Variants in CRYL1 observed in about 807,000 individuals in gnomAD.
CRYL1 encodes the protein crystallin lambda 1, also known as lambda-crystallin homolog.
Under a neutral mutation model 36.6 loss-of-function variants are expected in CRYL1, and 29 were observed. The observed-to-expected ratio is 0.79, with a 90% CI of 0.59 to 1.08. The LOEUF (loss-of-function observed/expected upper bound fraction) is 1.08. CRYL1 is among the 50% of genes least tolerant of loss of function. The probability of loss-of-function intolerance (pLI) is 0.00; values close to 1 mark genes in which losing one functional copy is unlikely to be tolerated. For missense variants in CRYL1, 411 were observed against 407.9 expected (o/e 1.01, Z -0.06); for synonymous variants, 152 against 151.5 (o/e 1.00, Z -0.02).
intron 2 of CRYL1, among the ~76,000 whole-genome samples, chr13:20,491,024 C>T (rs1003200298): frequency 6.6e-6 from 1 of 152,148 alleles, no homozygotes; most frequent in African/African-American, 2.4e-5. Flanking sequence ...CCCACCTCAG[C>T]CTCCCAAGTA....
Position 20,404,116 on chromosome 13 carries a change from C to T in CRYL1, c.*13G>A, listed in dbSNP as rs1279717605. 2 of 1,584,178 alleles carry T rather than the reference C, an allele frequency of 1.3e-6. No individual in the cohort carries two copies. The highest frequency in any genetic ancestry group is 3.3e-5 in the Admixed American group (2 of 59,926). ...CCTCCAATGAGAGGAGTGGAAGCTGCATTACAAGAAATTCACTGGGGCTGC... is the reference window on the plus strand; with the variant it reads ...CCTCCAATGAGAGGAGTGGAAGCTGTATTACAAGAAATTCACTGGGGCTGC... On this transcript the variant is annotated 3_prime_UTR_variant, in exon 8 of 8. Transcript: ENST00000298248.
chr13:20,410,665 G>C (rs998259779), intron 6 of CRYL1, among the ~76,000 whole-genome samples: 1 of 152,136 alleles, frequency 6.6e-6, no homozygotes, highest in Non-Finnish European at 1.5e-5. Flanking sequence ...AGTAGTACGT[G>C]AAAGAAACAA....
chr13:20,511,405 T>C (rs1380686672), intron 2 of CRYL1, among the ~76,000 whole-genome samples: 1 of 152,164 alleles, frequency 6.6e-6, no homozygotes, highest in South Asian at 2.1e-4. Flanking sequence ...GTTTTTGTTT[T>C]TTAGATTGAC....
intron 2 of CRYL1, 120 bp from the exon 3 acceptor site, chr13:20,489,616 C>G: frequency 8.2e-7 from 1 of 1,215,972 alleles, no homozygotes; most frequent in Non-Finnish European, 1.2e-6. Flanking sequence ...GATACCACCT[C>G]ACACCCATTA....
At position 20,404,088 on chromosome 13, in the gene CRYL1, G is replaced by C; in HGVS notation, c.*41C>G. The C allele has an allele frequency of 1.5e-6, 2 of 1,374,006 alleles. No individual in the cohort carries two copies. The highest frequency in any genetic ancestry group is 4.6e-5 in the East Asian group (2 of 43,648). 85.1% of individuals were successfully genotyped at this position (1,374,006 alleles called of 1,614,324 possible). A position where few individuals can be genotyped will look rare whatever the true frequency, so the allele number is the denominator to read the frequency against. ...TAAGGGCTTGCAGTGTTCCCAAATA[G>C]GGCCTCCAATGAGAGGAGTGGAAGC... On this transcript the variant is annotated 3_prime_UTR_variant, in exon 8 of 8. Coordinates refer to ENST00000298248, the MANE Select transcript of CRYL1 (RefSeq NM_015974.3).
At chr13:20,450,782 T>C (rs2032553718) in intron 3 of CRYL1, among the ~76,000 whole-genome samples, 2 of 152,154 alleles carry the variant, frequency 1.3e-5, no homozygotes, top group Non-Finnish European at 2.9e-5. Flanking sequence ...TGTGGCACTA[T>C]TCACAATAGC....
chr13:20,507,931 G>C (rs1393718224), intron 2 of CRYL1, among the ~76,000 whole-genome samples: 1 of 142,804 alleles, frequency 7.0e-6, no homozygotes. Flanking sequence ...AAAAAAAAAA[G>C]AAAAAAGAAA....
Position 20,432,264 on chromosome 13 carries a change from C to G in CRYL1, c.471G>C (p.Glu157Asp), listed in dbSNP as rs1189969709. 6 of 1,613,132 alleles carry G rather than the reference C, an allele frequency of 3.7e-6. No homozygotes were observed. The South Asian group carries it at 6.6e-5, about 18-fold the overall frequency. ...GGGCCGTCTCCGGGTGGGGGACCAG[C>G]TCAACCAGCGGGATGTAGTATGGCG... The part of the protein sequence containing the change: ...VNPPYYIPLV[E>D]LVPHPETAPT... Residue 157 changes from glutamate (E) to aspartate (D), a missense_variant, in exon 5 of 8, where the codon GAG becomes GAC. Coordinates refer to ENST00000298248, the MANE Select transcript of CRYL1 (RefSeq NM_015974.3).
chr13:20,423,055 ATTG>A (rs1271959632), intron 5 of CRYL1, among the ~76,000 whole-genome samples: 2 of 152,122 alleles, frequency 1.3e-5, no homozygotes, highest in African/African-American at 4.8e-5. Context: ...TGTAAATGGA[ATTG>A]TTTTCTTGAT....
rs1370485130 is a variant in CRYL1 at position 20,415,570 on chromosome 13, C to A, written c.634-2183G>T. On this transcript the variant is annotated intron_variant, in intron 5 of 7. Coordinates refer to ENST00000298248, the MANE Select transcript of CRYL1 (RefSeq NM_015974.3). The surrounding 1 kb of genome is among the most constrained non-coding windows in gnomAD (Gnocchi z 4.1). ...GGGCCACTCACTGTGACCCGCGACT[C>A]CCTTTTAGAGAGCCACTTTGCGTTT... 6.6e-6 allele frequency among the ~76,000 whole-genome samples: 1 copy of A among 152,214 alleles called. No individual in the cohort carries two copies. Among genetic ancestry groups the A allele is most frequent in the Non-Finnish European group, 1.5e-5 (1 of 68,034 alleles).
intron 2 of CRYL1, among the ~76,000 whole-genome samples, chr13:20,509,245 A>G (rs577076197): frequency 8.8e-4 from 46 of 52,468 alleles, no homozygotes; most frequent in African/African-American, 2.8e-3. Flanking sequence ...TTTTTGCCTC[A>G]TAGTTTTTTG....
chr13:20,411,462 C>T (rs2031520823), intron 6 of CRYL1, among the ~76,000 whole-genome samples: 1 of 151,952 alleles, frequency 6.6e-6, no homozygotes, highest in South Asian at 2.1e-4. Context: ...TATGATTCCT[C>T]AATTATCTTA....
intron 3 of CRYL1, among the ~76,000 whole-genome samples, chr13:20,444,150 C>T (rs1392787383): frequency 6.6e-6 from 1 of 152,144 alleles, no homozygotes; most frequent in Non-Finnish European, 1.5e-5. Context: ...TCTTTTTGCT[C>T]TAGAATAAAT....
At chr13:20,484,296 G>T (rs1344218983) in intron 3 of CRYL1, among the ~76,000 whole-genome samples, 3 of 152,178 alleles carry the variant, frequency 2.0e-5, no homozygotes, top group African/African-American at 7.2e-5. Context: ...CACAGGGCGG[G>T]TGAGTGGTTG....
chr13:20,427,647 A>G (rs2031961122), intron 5 of CRYL1, among the ~76,000 whole-genome samples: 1 of 150,022 alleles, frequency 6.7e-6, no homozygotes, highest in Non-Finnish European at 1.5e-5. Context: ...GCTCGGCTGC[A>G]GGTGTAAAAA....
intron 4 of CRYL1, among the ~76,000 whole-genome samples, chr13:20,437,365 T>C (rs1593444033): frequency 6.6e-6 from 1 of 150,896 alleles, no homozygotes; most frequent in African/African-American, 2.4e-5. Flanking sequence ...TGGAGTGCAG[T>C]GGCGCGATCT....
Position 20,432,049 on chromosome 13 carries a change from GA to G in CRYL1, c.633+52del, listed in dbSNP as rs571120274. 359 of 1,613,130 alleles carry G rather than the reference GA, an allele frequency of 2.2e-4. 2 individuals carry two copies. The South Asian group carries it at 3.6e-3, about 16-fold the overall frequency. Reference sequence around the variant, plus strand: ...GTCCTGCTCAACTTTGAGAGGGAGGGAAGAAGGAGGGAGAAAGGAAGGGAGG... The same window carrying G: ...GTCCTGCTCAACTTTGAGAGGGAGGGAGAAGGAGGGAGAAAGGAAGGGAGG... On this transcript the variant is annotated intron_variant, in intron 5 of 7. Transcript: ENST00000298248.
At chr13:20,493,559 C>T (rs1357255814) in intron 2 of CRYL1, among the ~76,000 whole-genome samples, 1 of 152,146 alleles carries the variant, frequency 6.6e-6, no homozygotes, top group Non-Finnish European at 1.5e-5. Context: ...ACTTAGGAGG[C>T]TAAGGCAGGA....
At chr13:20,510,009 C>T (rs1477420565) in intron 2 of CRYL1, among the ~76,000 whole-genome samples, 2 of 152,192 alleles carry the variant, frequency 1.3e-5, no homozygotes, top group Non-Finnish European at 1.5e-5. Flanking sequence ...ACTGACACCA[C>T]CACATGCTGG....
Sources: allele counts gnomAD v4.1 joint callset (sites outside exome capture counted in the v4.1 genomes callset), GRCh38; gene constraint gnomAD v4.1.1; non-coding constraint Gnocchi (gnomAD v3.1); transcripts MANE v1.5; gene names NCBI Gene and HGNC (gene_info 2026-07-23, HGNC 2026-07-21).